The following ERBB4 variants were observed in gnomAD, a reference collection of about 807,000 sequenced individuals.
ERBB4 encodes the protein receptor tyrosine-protein kinase erbB-4.
Under a neutral mutation model 158.0 loss-of-function variants are expected in ERBB4, and 42 were observed. The observed-to-expected ratio is 0.27, with a 90% CI of 0.21 to 0.34. ERBB4 has a LOEUF of 0.34. Among genes scored for constraint, ERBB4 ranks in the 10% least tolerant of loss-of-function variants. ERBB4 has a pLI of 1.00. For synonymous variants in ERBB4, 583 were observed against 558.7 expected (o/e 1.04, Z -0.61); for missense variants, 1,333 against 1,624.1 (o/e 0.82, Z 3.08).
At chr2:212,329,791 T>C (rs2088043714) in intron 1 of ERBB4, among the ~76,000 whole-genome samples, 1 of 152,120 alleles carries the variant, frequency 6.6e-6, no homozygotes, top group African/African-American at 2.4e-5. Flanking sequence ...AGATAATTTA[T>C]AAAATCTTGA....
intron 3 of ERBB4, among the ~76,000 whole-genome samples, chr2:211,820,037 G>A (rs1326648484): frequency 6.6e-6 from 1 of 151,854 alleles, no homozygotes; most frequent in East Asian, 1.9e-4. Context: ...TCAGTTTAAG[G>A]TGCTTGTGGG....
intron 1 of ERBB4, among the ~76,000 whole-genome samples, chr2:212,320,633 C>T (rs1253403182): frequency 6.7e-6 from 1 of 149,540 alleles, no homozygotes; most frequent in African/African-American, 2.4e-5. Context: ...CTTGAGGGTG[C>T]TACCAAAAAG....
At chr2:211,912,445 A>G (rs2125057922) in intron 3 of ERBB4, among the ~76,000 whole-genome samples, 1 of 152,280 alleles carries the variant, frequency 6.6e-6, no homozygotes, top group African/African-American at 2.4e-5. Context: ...TAATCATACC[A>G]TACTGTATTC....
chr2:212,099,359 C>T (rs1267098560), intron 2 of ERBB4, among the ~76,000 whole-genome samples: 1 of 151,912 alleles, frequency 6.6e-6, no homozygotes, highest in Non-Finnish European at 1.5e-5. Context: ...AAGTCACATG[C>T]TATCTATCTA....
At chr2:212,109,057 A>G (rs777186945) in intron 2 of ERBB4, among the ~76,000 whole-genome samples, 1 of 152,284 alleles carries the variant, frequency 6.6e-6, no homozygotes, top group East Asian at 1.9e-4. Context: ...GAATGTTGGT[A>G]ATAATGACAA....
intron 1 of ERBB4, among the ~76,000 whole-genome samples, chr2:212,448,478 G>A (rs2092397225): frequency 6.6e-6 from 1 of 152,164 alleles, no homozygotes. Context: ...ATTCAGCCAT[G>A]TGTATAATCA....
chr2:211,624,092 C>A (rs778743274), intron 17 of ERBB4, 48 bp from the exon 18 acceptor site: 8 of 1,610,670 alleles, frequency 5.0e-6, no homozygotes, highest in South Asian at 1.1e-5. Context: ...GATAGTCAGT[C>A]CTCTCTCTCT....
intron 2 of ERBB4, among the ~76,000 whole-genome samples, chr2:212,117,206 C>A (rs780645105): frequency 6.6e-6 from 1 of 152,112 alleles, no homozygotes; most frequent in Non-Finnish European, 1.5e-5. Flanking sequence ...TTTATCTCAC[C>A]CTGCTAAGAG....
chr2:211,935,553 C>T (rs1440439989), intron 3 of ERBB4, among the ~76,000 whole-genome samples: 2 of 152,128 alleles, frequency 1.3e-5, no homozygotes, highest in Admixed American at 1.3e-4. Context: ...CCTTTGATCC[C>T]AGACTGAGAG....
chr2:211,599,575 A>G (rs1046251685), intron 19 of ERBB4, among the ~76,000 whole-genome samples: 2 of 23,976 alleles, frequency 8.3e-5, no homozygotes, highest in Non-Finnish European at 1.9e-4. Context: ...GTTAACATTT[A>G]GAGTCCTGTC....
At chr2:211,941,716 C>CTTTTTT (rs57686734) in intron 3 of ERBB4, among the ~76,000 whole-genome samples, 7 of 132,954 alleles carry the variant, frequency 5.3e-5, no homozygotes, top group African/African-American at 1.1e-4. Context: ...ATTTGGAACA[C>CTTTTTT]TTTTTTTTTT....
At chr2:212,082,508 G>A (rs1157156941) in intron 2 of ERBB4, among the ~76,000 whole-genome samples, 18 of 151,888 alleles carry the variant, frequency 1.2e-4, no homozygotes, top group Admixed American at 1.2e-3. Flanking sequence ...GGCATATGTG[G>A]GTATTAGAAC....
intron 1 of ERBB4, among the ~76,000 whole-genome samples, chr2:212,498,905 A>G (rs921809551): frequency 6.6e-6 from 1 of 152,048 alleles, no homozygotes; most frequent in Non-Finnish European, 1.5e-5. Context: ...AACTACAAAA[A>G]TATACTCCTA....
At chr2:211,716,615 G>A (rs188129756) in intron 7 of ERBB4, among the ~76,000 whole-genome samples, 1 of 152,078 alleles carries the variant, frequency 6.6e-6, no homozygotes, top group Non-Finnish European at 1.5e-5. Context: ...GGCGGAGCTT[G>A]CAGTGAGCCG....
intron 20 of ERBB4, among the ~76,000 whole-genome samples, chr2:211,529,707 T>G (rs2066444224): frequency 6.6e-6 from 1 of 152,212 alleles, no homozygotes; most frequent in African/African-American, 2.4e-5. Context: ...GCAAATCAAC[T>G]AATGTGATAC....
At chr2:212,367,256 T>C (rs187775001) in intron 1 of ERBB4, among the ~76,000 whole-genome samples, 2 of 152,210 alleles carry the variant, frequency 1.3e-5, no homozygotes, top group Admixed American at 6.6e-5. Flanking sequence ...TGTTGTTTAA[T>C]CCACCCATCC....
intron 20 of ERBB4, among the ~76,000 whole-genome samples, chr2:211,440,742 T>C (rs1463248045): frequency 6.6e-6 from 1 of 152,208 alleles, no homozygotes; most frequent in Non-Finnish European, 1.5e-5. Context: ...GGTTTACTTA[T>C]CTATATGTCC....
chr2:211,721,131 G>A (rs1295381381), intron 7 of ERBB4, among the ~76,000 whole-genome samples: 2 of 152,052 alleles, frequency 1.3e-5, no homozygotes, highest in African/African-American at 4.8e-5. Context: ...TTTCCCTCTT[G>A]GGAACACTAA....
At chr2:211,623,790 A>G (rs2069727243) in intron 18 of ERBB4, 132 bp downstream of exon 18, 1 of 838,346 alleles carries the variant, frequency 1.2e-6, no homozygotes, top group African/African-American at 1.7e-5. Context: ...GCAACTTCTC[A>G]ATATTATAAA....
Sources: allele counts gnomAD v4.1 joint callset (sites outside exome capture counted in the v4.1 genomes callset), GRCh38; gene constraint gnomAD v4.1.1; transcripts MANE v1.5; gene names NCBI Gene and HGNC (gene_info 2026-07-23, HGNC 2026-07-21).